Variants in ITPR1 observed in about 807,000 individuals in gnomAD.
ITPR1 encodes inositol 1,4,5-trisphosphate receptor type 1.
In ITPR1, 96 loss-of-function variants were observed where a neutral mutation model predicts 318.4. The ratio of observed to expected loss-of-function variants is 0.30; its 90% CI spans 0.26 to 0.36. The LOEUF (loss-of-function observed/expected upper bound fraction) is 0.36. Among genes scored for constraint, ITPR1 ranks in the 10% least tolerant of loss-of-function variants. The probability of loss-of-function intolerance (pLI) is 1.00; values close to 1 mark genes in which losing one functional copy is unlikely to be tolerated. For missense variants in ITPR1, 2,440 were observed against 3,460.2 expected (o/e 0.71, Z 7.40); for synonymous variants, 1,312 against 1,289.9 (o/e 1.02, Z -0.37).
intron 4 of ITPR1, among the ~76,000 whole-genome samples, chr3:4,547,263 C>T (rs1047884918): frequency 1.4e-4 from 22 of 152,168 alleles, no homozygotes; most frequent in African/African-American, 5.3e-4. Context: ...TTAAGAAGCA[C>T]ATAGATTTAT....
chr3:4,497,239 G>A (rs138950446), intron 2 of ITPR1, among the ~76,000 whole-genome samples: 16 of 152,312 alleles, frequency 1.1e-4, no homozygotes, highest in South Asian at 2.1e-4. Context: ...CACTGAAACC[G>A]TCACCCATTC....
At chr3:4,559,058 A>G (rs954406352) in intron 4 of ITPR1, among the ~76,000 whole-genome samples, 9 of 152,032 alleles carry the variant, frequency 5.9e-5, no homozygotes, top group African/African-American at 2.2e-4. Flanking sequence ...GGGTCTTGCT[A>G]TGTTGCCTAG....
At chr3:4,516,705 A>G in intron 3 of ITPR1, 122 bp downstream of exon 3, 1 of 696,182 alleles carries the variant, frequency 1.4e-6, no homozygotes, top group Non-Finnish European at 2.5e-6. Context: ...AGTGCGGTTG[A>G]AATCACAAAC....
chr3:4,753,059 C>T (rs549051251), intron 44 of ITPR1, among the ~76,000 whole-genome samples: 40 of 152,316 alleles, frequency 2.6e-4, no homozygotes, highest in African/African-American at 8.9e-4. Context: ...TGAGACCCAA[C>T]AGATGCGAAG....
intron 40 of ITPR1, among the ~76,000 whole-genome samples, chr3:4,717,899 G>T (rs1043575081): frequency 6.6e-6 from 1 of 152,194 alleles, no homozygotes; most frequent in Admixed American, 6.5e-5. Flanking sequence ...AGCGCAGTGT[G>T]AATTCCTACG....
At chr3:4,658,410 C>T in intron 13 of ITPR1, 132 bp downstream of exon 13, 1 of 735,758 alleles carries the variant, frequency 1.4e-6, no homozygotes, top group Non-Finnish European at 2.1e-6. Context: ...AAGGTTTGCA[C>T]TGACTGCCCG....
intron 60 of ITPR1, among the ~76,000 whole-genome samples, chr3:4,819,437 G>C (rs1559953340): frequency 6.6e-6 from 1 of 152,166 alleles, no homozygotes; most frequent in Non-Finnish European, 1.5e-5. Context: ...CAGGACTTGA[G>C]ATATTCTGCA....
intron 7 of ITPR1, 132 bp downstream of exon 7, chr3:4,642,383 A>G (rs895183888): frequency 3.5e-6 from 2 of 569,944 alleles, no homozygotes; most frequent in South Asian, 7.3e-5. Context: ...GGGAATTGCT[A>G]TGGAAACTAG....
At chr3:4,542,824 G>A (rs771611544) in intron 4 of ITPR1, among the ~76,000 whole-genome samples, 4 of 152,128 alleles carry the variant, frequency 2.6e-5, no homozygotes, top group South Asian at 2.1e-4. Flanking sequence ...CAGAGTTCTC[G>A]CTTTAGAAAG....
At chr3:4,838,797 G>C (rs1413028423) in intron 61 of ITPR1, among the ~76,000 whole-genome samples, 1 of 152,136 alleles carries the variant, frequency 6.6e-6, no homozygotes, top group Admixed American at 6.5e-5. Context: ...CTGAGAAACT[G>C]GGTGTTACCA....
intron 4 of ITPR1, among the ~76,000 whole-genome samples, chr3:4,604,244 G>A (rs1026026554): frequency 2.6e-5 from 4 of 152,256 alleles, no homozygotes; most frequent in Non-Finnish European, 4.4e-5. Flanking sequence ...GTGCTGGCAA[G>A]GCTCTTTGGA....
chr3:4,718,629 T>G (rs2041935394), intron 40 of ITPR1, among the ~76,000 whole-genome samples: 1 of 152,230 alleles, frequency 6.6e-6, no homozygotes, highest in Non-Finnish European at 1.5e-5. Context: ...CTGGCTTTCC[T>G]GATGTGCTTA....
At chr3:4,655,374 G>A (rs1047693274) in intron 12 of ITPR1, among the ~76,000 whole-genome samples, 7 of 152,138 alleles carry the variant, frequency 4.6e-5, no homozygotes, top group African/African-American at 1.7e-4. Context: ...CCTGGTACAG[G>A]AGGGAAGACT....
chr3:4,752,867 C>T (rs1481132928), intron 44 of ITPR1, among the ~76,000 whole-genome samples: 2 of 152,162 alleles, frequency 1.3e-5, no homozygotes, highest in Non-Finnish European at 2.9e-5. Flanking sequence ...GGCGTCAATA[C>T]AGTCAGGGAT....
intron 61 of ITPR1, 47 bp from the exon 62 acceptor site, chr3:4,846,092 G>A (rs373288581): frequency 5.3e-5 from 60 of 1,122,534 alleles, no homozygotes; most frequent in African/African-American, 3.0e-4. Flanking sequence ...GCGATTTGAC[G>A]TACAGGAAGT....
In ITPR1 at chr3:4,846,919, C is replaced by CTATT. The variant is rs1553771198; in HGVS notation, c.*696_*699dup. 2.6e-5 allele frequency: 4 copies of CTATT among 152,704 alleles called. No homozygotes were observed. In the South Asian group the frequency reaches 6.2e-4, roughly 24 times the overall value. 9.5% of individuals were successfully genotyped at this position (152,704 alleles called of 1,614,324 possible). ...TAAGCTTCTAAATTGATCATTTAAA[C>CTATT]TATTTCTTTAAATAAGAGAGCCAAA... On this transcript the variant is annotated 3_prime_UTR_variant, in exon 62 of 62. Coordinates refer to ENST00000649015, the MANE Select transcript of ITPR1 (RefSeq NM_001378452.1).
In ITPR1 at chr3:4,734,501, T is replaced by C. The variant is rs1298563851; in HGVS notation, c.5354-663T>C. 3.3e-5 allele frequency among the ~76,000 whole-genome samples: 5 copies of C among 152,164 alleles called. No homozygotes were observed. In the East Asian group the frequency reaches 9.6e-4, roughly 29 times the overall value. On this transcript the variant is annotated intron_variant, in intron 43 of 61. Transcript: ENST00000649015. The stretch of plus-strand genomic sequence containing the variant: ...GCCTTTTGAAGCTGATCAGCCCATT[T>C]CTCCATGTGCGTTCATGGTTTAGTT...
At chr3:4,694,167 TACAG>T (rs2094521510) in intron 33 of ITPR1, among the ~76,000 whole-genome samples, 3 of 151,550 alleles carry the variant, frequency 2.0e-5, no homozygotes, top group African/African-American at 7.2e-5. Context: ...ATTTAGGAAC[TACAG>T]ACAATCAATT....
intron 10 of ITPR1, among the ~76,000 whole-genome samples, chr3:4,646,517 T>C (rs2093461544): frequency 6.6e-6 from 1 of 152,204 alleles, no homozygotes; most frequent in African/African-American, 2.4e-5. Context: ...AGAACTGTTT[T>C]TGGAGACCAG....
Sources: gnomAD v4.1 joint callset for allele counts (sites outside exome capture counted in the v4.1 genomes callset) on GRCh38, gnomAD v4.1.1 for gene constraint, MANE v1.5 for transcripts, NCBI Gene and HGNC (gene_info 2026-07-23, HGNC 2026-07-21) for gene names.